ZCCHC14: variants seen among roughly 807,000 people sequenced by gnomAD.
ZCCHC14 encodes the protein zinc finger CCHC-type containing 14, also known as zinc finger CCHC domain-containing protein 14.
In ZCCHC14, 16 loss-of-function variants were observed where a neutral mutation model predicts 85.0. The observed-to-expected ratio is 0.19, with a 90% CI of 0.13 to 0.29. The LOEUF is 0.29. ZCCHC14 is among the 10% of genes least tolerant of loss of function. The pLI is 1.00. For missense variants in ZCCHC14, 1,303 were observed against 1,443.5 expected, an observed-to-expected ratio of 0.90 and a Z score of 1.58; for synonymous variants, 775 against 630.7, an observed-to-expected ratio of 1.23 and a Z score of -3.43.
chr16:87,492,916 G>A lies in ZCCHC14; in HGVS notation c.-678C>T, dbSNP rs1321690846. 6.7e-6 allele frequency among the ~76,000 whole-genome samples: 1 copy of A among 149,246 alleles called. No individual in the cohort carries two copies. Among genetic ancestry groups the A allele is most frequent in the Non-Finnish European group, 1.5e-5 (1 of 66,960 alleles). The stretch of plus-strand genomic sequence containing the variant: ...CGGATCCGGGCCCGAGCGCGGCGGC[G>A]GCGGCGACGGCGACGGCGACGGCGA... On this transcript the variant is annotated 5_prime_UTR_variant, in exon 1 of 13. Coordinates refer to ENST00000671377, the MANE Select transcript of ZCCHC14 (RefSeq NM_015144.3). This position sits in a 1 kb window ranked among gnomAD's most constrained non-coding sequence, Gnocchi z 6.7.
At chr16:87,421,662 G>A (rs897427845) in intron 4 of ZCCHC14, among the ~76,000 whole-genome samples, 1 of 152,126 alleles carries the variant, frequency 6.6e-6, no homozygotes, top group African/African-American at 2.4e-5. Flanking sequence ...AGGCCTGCAG[G>A]GACGGCTGAA....
In ZCCHC14 at chr16:87,491,394, T is replaced by G. The variant is rs1257694601; in HGVS notation, c.570+275A>C. Reference sequence around the variant, plus strand: ...GCGGGCTTAGGATGGGGGCTTGGGATGTACGGCGGAGGCTTGGGATGTACG... The same window carrying G: ...GCGGGCTTAGGATGGGGGCTTGGGAGGTACGGCGGAGGCTTGGGATGTACG... On this transcript the variant is annotated intron_variant, in intron 1 of 12. Coordinates refer to ENST00000671377, the MANE Select transcript of ZCCHC14 (RefSeq NM_015144.3). The surrounding 1 kb of genome is among the most constrained non-coding windows in gnomAD (Gnocchi z 5.9). 6.9e-6 allele frequency among the ~76,000 whole-genome samples: 1 copy of G among 144,540 alleles called. No homozygotes were observed. The highest frequency in any genetic ancestry group is 1.5e-5 in the Non-Finnish European group (1 of 67,372). 94.8% of individuals were successfully genotyped at this position (144,540 alleles called of 152,430 possible).
chr16:87,441,760 G>C (rs551698745), intron 2 of ZCCHC14, among the ~76,000 whole-genome samples: 32 of 152,358 alleles, frequency 2.1e-4, no homozygotes, highest in Non-Finnish European at 4.0e-4. Context: ...AGTTGTTACA[G>C]CTTTCCTCTT....
chr16:87,416,098 G>A (rs1283872892), intron 8 of ZCCHC14, among the ~76,000 whole-genome samples: 1 of 151,888 alleles, frequency 6.6e-6, no homozygotes, highest in Non-Finnish European at 1.5e-5. Flanking sequence ...GCTAATTTTT[G>A]TATTTTTAGT....
chr16:87,441,235 G>A (rs922344407), intron 2 of ZCCHC14, among the ~76,000 whole-genome samples: 2 of 151,806 alleles, frequency 1.3e-5, no homozygotes, highest in Admixed American at 6.6e-5. Flanking sequence ...CTCGTGATCC[G>A]CCCGCCTCGG....
At chr16:87,485,829 T>G (rs544151590) in intron 1 of ZCCHC14, among the ~76,000 whole-genome samples, 1 of 152,260 alleles carries the variant, frequency 6.6e-6, no homozygotes, top group Non-Finnish European at 1.5e-5. Flanking sequence ...ATTCAAAAGG[T>G]AGATGAAGTT....
intron 1 of ZCCHC14, among the ~76,000 whole-genome samples, chr16:87,461,906 G>A (rs1245165482): frequency 3.9e-5 from 6 of 152,196 alleles, no homozygotes; most frequent in East Asian, 1.9e-4. Context: ...GATCCCACGC[G>A]GCTCAACAGA....
chr16:87,491,443 G>A lies in ZCCHC14; in HGVS notation c.570+226C>T, dbSNP rs1352427255. Among the ~76,000 whole-genome samples, 1 of 151,532 alleles carries A rather than the reference G, an allele frequency of 6.6e-6. No homozygotes were observed. Among genetic ancestry groups the A allele is most frequent in the Non-Finnish European group, 1.5e-5 (1 of 67,986 alleles). On this transcript the variant is annotated intron_variant, in intron 1 of 12. Coordinates refer to ENST00000671377, the MANE Select transcript of ZCCHC14 (RefSeq NM_015144.3). The surrounding 1 kb of genome is among the most constrained non-coding windows in gnomAD (Gnocchi z 5.9). The stretch of plus-strand genomic sequence containing the variant: ...CGGCGGAGGCTTGGGATGTACGGTG[G>A]AGGCTTGGAGAGGTGGGGCACACAT...
rs1908330252 is a variant in ZCCHC14, at chr16:87,409,241, C to A, written c.*1039G>T. 1 of 151,942 alleles carries A rather than the reference C, an allele frequency of 6.6e-6. No individual in the cohort carries two copies. Among genetic ancestry groups the A allele is most frequent in the Non-Finnish European group, 1.5e-5 (1 of 67,922 alleles). 9.4% of individuals were successfully genotyped at this position (151,942 alleles called of 1,614,324 possible). On this transcript the variant is annotated 3_prime_UTR_variant, in exon 13 of 13. Coordinates refer to ENST00000671377, the MANE Select transcript of ZCCHC14 (RefSeq NM_015144.3). ...AATCTTTTGCTGATAAATGACAGGACTGTATCATTGTTGAAATGTCTGTCT... is the reference window on the plus strand; with the variant it reads ...AATCTTTTGCTGATAAATGACAGGAATGTATCATTGTTGAAATGTCTGTCT...
chr16:87,412,810 T>G lies in ZCCHC14; in HGVS notation c.1911A>C (p.Ala637=). 6.2e-7 allele frequency: 1 copy of G among 1,611,950 alleles called. No homozygotes were observed. Among genetic ancestry groups the G allele is most frequent in the Non-Finnish European group, 8.5e-7 (1 of 1,178,622 alleles). ...HHPLPPQMLS[A]ASHITPIRML... is the part of the protein sequence containing the mutation. ...TGCGGATGGGTGTGATGTGTGAGGC[T>G]GCGCTCAGCATCTGCGGGGGCAGGG... is the stretch of plus-strand genomic sequence containing the variant. Residue 637 remains alanine (A), a synonymous_variant, in exon 12 of 13, where the codon GCA becomes GCC. Transcript: ENST00000671377.
chr16:87,414,434 C>A lies in ZCCHC14; in HGVS notation c.1583G>T (p.Gly528Val), dbSNP rs1169878263. The stretch of plus-strand genomic sequence containing the variant: ...TTCACCTGCTGCATGGCTGCCCCGC[C>A]CCGACTGCACGGGCCCGACGTGGCT... The part of the protein sequence containing the change: ...PTSHVGPVQS[G>V]RGSHAAELRV... The change falls in exon 10 of 13, where the codon GGG (glycine) becomes GTG (valine). Residue 528 changes from glycine (G) to valine (V), a missense_variant. By Grantham distance (109) the Gly-to-Val change is moderately radical. This residue lies in a region of ZCCHC14 where 58 missense variants were observed against 88.2 expected (regional missense o/e 0.66). Coordinates refer to ENST00000671377, the MANE Select transcript of ZCCHC14 (RefSeq NM_015144.3). The A allele has an allele frequency of 6.2e-7, 1 of 1,613,446 alleles. No homozygotes were observed. Among genetic ancestry groups the A allele is most frequent in the African/African-American group, 1.3e-5 (1 of 75,052 alleles).
chr16:87,413,449 G>A (rs1908593842), intron 10 of ZCCHC14, among the ~76,000 whole-genome samples: 1 of 152,192 alleles, frequency 6.6e-6, no homozygotes, highest in Admixed American at 6.5e-5. Flanking sequence ...AATGCCCTGT[G>A]AAGGGCACCC....
chr16:87,465,122 T>C (rs1482003967), intron 1 of ZCCHC14, among the ~76,000 whole-genome samples: 2 of 152,244 alleles, frequency 1.3e-5, no homozygotes, highest in East Asian at 1.9e-4. Flanking sequence ...GCCTTCGCCC[T>C]GGCTGTCCCC....
At chr16:87,426,311 C>A (rs1288113178) in intron 3 of ZCCHC14, among the ~76,000 whole-genome samples, 1 of 152,222 alleles carries the variant, frequency 6.6e-6, no homozygotes, top group Non-Finnish European at 1.5e-5. Flanking sequence ...GGACACGTGT[C>A]CAACCATACT....
At chr16:87,487,641 G>A (rs1164269572) in intron 1 of ZCCHC14, among the ~76,000 whole-genome samples, 4 of 152,260 alleles carry the variant, frequency 2.6e-5, no homozygotes, top group African/African-American at 4.8e-5. Flanking sequence ...CAGAGGATGC[G>A]CTAAGTGTTA....
chr16:87,485,590 C>CAA (rs35083614), intron 1 of ZCCHC14, among the ~76,000 whole-genome samples: 37,617 of 98,202 alleles, frequency 0.38, 6,683 homozygotes, highest in East Asian at 0.62. Flanking sequence ...GGCAGTTTTC[C>CAA]AAAAAAAAAA....
At chr16:87,466,703 A>G (rs562801451) in intron 1 of ZCCHC14, among the ~76,000 whole-genome samples, 115 of 152,272 alleles carry the variant, frequency 7.6e-4, no homozygotes, top group Non-Finnish European at 1.2e-3. Context: ...TGTGCAATCA[A>G]AGTATCTGTG....
Position 87,411,617 on chromosome 16 carries a change from G to C in ZCCHC14, c.3104C>G (p.Ser1035Cys). Residue 1035 changes from serine to cysteine, a missense_variant, in exon 12 of 13, where the codon TCC becomes TGC. Physicochemically the swap from Ser to Cys is moderately radical, Grantham distance 112. Coordinates refer to ENST00000671377, the MANE Select transcript of ZCCHC14 (RefSeq NM_015144.3). ...TAGGTTCCCGCTCTTTTTGTGACTG[G>C]AACCATTGCTACTGCCCACCAGTCC... is the stretch of plus-strand genomic sequence containing the variant. Reference protein sequence around the residue: ...TQGLVGSSNGSSHKKSGNLSC... With the variant: ...TQGLVGSSNGCSHKKSGNLSC... The C allele has an allele frequency of 6.2e-7, 1 of 1,613,940 alleles. No homozygotes were observed. The highest frequency in any genetic ancestry group is 8.5e-7 in the Non-Finnish European group (1 of 1,180,022).
intron 2 of ZCCHC14, among the ~76,000 whole-genome samples, chr16:87,445,416 C>T (rs980316748): frequency 6.6e-6 from 1 of 152,174 alleles, no homozygotes; most frequent in African/African-American, 2.4e-5. Flanking sequence ...TGTGTACCAT[C>T]AGAAGAAAGG....
Sources: gnomAD v4.1 joint callset for allele counts (sites outside exome capture counted in the v4.1 genomes callset) on GRCh38, gnomAD v4.1.1 for gene constraint, gnomAD v4.1.1 regional missense constraint, Gnocchi (gnomAD v3.1) non-coding constraint, MANE v1.5 for transcripts, NCBI Gene and HGNC (gene_info 2026-07-23, HGNC 2026-07-21) for gene names.